PITPNC1: variants seen among roughly 807,000 people sequenced by gnomAD.
PITPNC1 encodes phosphatidylinositol transfer protein cytoplasmic 1.
In PITPNC1, 18 loss-of-function variants were observed where a neutral mutation model predicts 44.7. The ratio of observed to expected loss-of-function variants is 0.40; its 90% confidence interval spans 0.28 to 0.60. The LOEUF is 0.60. Among genes scored for constraint, PITPNC1 ranks in the 20% least tolerant of loss-of-function variants. The pLI is 0.39. For synonymous variants in PITPNC1, 141 were observed against 149.6 expected (o/e 0.94, Z 0.42); for missense variants, 290 against 418.4 (o/e 0.69, Z 2.68).
At chr17:67,492,573 T>C (rs1425487356) in intron 1 of PITPNC1, among the ~76,000 whole-genome samples, 2 of 152,134 alleles carry the variant, frequency 1.3e-5, no homozygotes, top group Admixed American at 1.3e-4. Context: ...ACCAAGTTTG[T>C]GGTGATTTGA....
At chr17:67,677,718 AC>A (rs1237252063) in intron 8 of PITPNC1, among the ~76,000 whole-genome samples, 1 of 151,696 alleles carries the variant, frequency 6.6e-6, no homozygotes, top group East Asian at 1.9e-4. Flanking sequence ...ACAGGCTCCC[AC>A]CACCACGCCC....
intron 1 of PITPNC1, among the ~76,000 whole-genome samples, chr17:67,493,806 A>C (rs1368582): frequency 0.13 from 19,530 of 152,236 alleles, 1,522 homozygotes; most frequent in African/African-American, 0.23. Context: ...TTCCCAATAC[A>C]AAAGCAATTT....
rs2039027127 is a variant in PITPNC1 at position 67,442,324 on chromosome 17, T to G, written c.48+64122T>G. Among the ~76,000 whole-genome samples, 6 of 147,542 alleles carry G rather than the reference T, an allele frequency of 4.1e-5. No homozygotes were observed. The South Asian group carries it at 1.3e-3, about 32-fold the overall frequency. ...CTCTACAATGAAAAAAAAAGTTGAC[T>G]ATGAGTAAAGTCTCATGTTGTCCAA... On this transcript the variant is annotated intron_variant, in intron 1 of 8. Transcript: ENST00000581322.
At chr17:67,382,462 G>A (rs1261480079) in intron 1 of PITPNC1, among the ~76,000 whole-genome samples, 2 of 151,826 alleles carry the variant, frequency 1.3e-5, no homozygotes, top group Non-Finnish European at 2.9e-5. Flanking sequence ...ATAGTCCCTC[G>A]TTTGTGTTAA....
chr17:67,552,543 G>A (rs1262849020), intron 3 of PITPNC1, among the ~76,000 whole-genome samples, 198 bp downstream of exon 3: 1 of 151,996 alleles, frequency 6.6e-6, no homozygotes, highest in Non-Finnish European at 1.5e-5. Flanking sequence ...TGACAGGGGG[G>A]TTAAGCTAAG....
intron 1 of PITPNC1, among the ~76,000 whole-genome samples, chr17:67,505,132 G>T (rs1375659254): frequency 2.0e-5 from 3 of 152,078 alleles, no homozygotes; most frequent in Admixed American, 6.6e-5. Flanking sequence ...TTGTTTTATG[G>T]TCTAGTATAC....
At chr17:67,391,350 TAC>T (rs146777108) in intron 1 of PITPNC1, among the ~76,000 whole-genome samples, 3 of 151,848 alleles carry the variant, frequency 2.0e-5, no homozygotes, top group Non-Finnish European at 4.4e-5. Flanking sequence ...CATGTCATCT[TAC>T]ACACACACAC....
intron 1 of PITPNC1, among the ~76,000 whole-genome samples, chr17:67,397,636 GT>G (rs2038239391): frequency 6.6e-6 from 1 of 152,108 alleles, no homozygotes; most frequent in Non-Finnish European, 1.5e-5. Flanking sequence ...ATGGGCTGGG[GT>G]AAAACCTGCT....
chr17:67,654,611 G>A (rs548593076), intron 6 of PITPNC1, among the ~76,000 whole-genome samples: 2 of 152,198 alleles, frequency 1.3e-5, no homozygotes, highest in South Asian at 4.2e-4. Flanking sequence ...TCCAATTTAA[G>A]TCTTGCAACA....
At chr17:67,659,874 TTTTTTTG>T (rs1011515132) in intron 6 of PITPNC1, among the ~76,000 whole-genome samples, 1 of 152,090 alleles carries the variant, frequency 6.6e-6, no homozygotes, top group African/African-American at 2.4e-5. Flanking sequence ...GCCATAAATC[TTTTTTTG>T]TTTTTTGTTT....
chr17:67,581,179 A>G lies in PITPNC1; in HGVS notation c.366+2922A>G, dbSNP rs115844320. On this transcript the variant is annotated intron_variant, in intron 5 of 8. Transcript: ENST00000581322. ...ATTCATATGGTTATTGTGTATTATT[A>G]TACATCCTTTTTTGGCAGGTGCTCA... Among the ~76,000 whole-genome samples the G allele has an allele frequency of 9.1e-3, 1,391 of 152,346 alleles. 30 individuals are homozygous for G. The highest frequency in any genetic ancestry group is 0.032 in the African/African-American group (1,336 of 41,580).
At chr17:67,682,958 G>A (rs1040675050) in intron 8 of PITPNC1, among the ~76,000 whole-genome samples, 2 of 151,892 alleles carry the variant, frequency 1.3e-5, no homozygotes, top group Non-Finnish European at 1.5e-5. Flanking sequence ...TCAGGAGTTC[G>A]CGACCAGCCT....
intron 1 of PITPNC1, among the ~76,000 whole-genome samples, chr17:67,453,049 T>TTA (rs920210666): frequency 6.6e-6 from 1 of 152,184 alleles, no homozygotes; most frequent in Non-Finnish European, 1.5e-5. Context: ...TGTTGTGCTG[T>TTA]TATATATATA....
At chr17:67,570,557 A>T (rs1180153856) in intron 4 of PITPNC1, among the ~76,000 whole-genome samples, 1 of 152,184 alleles carries the variant, frequency 6.6e-6, no homozygotes, top group African/African-American at 2.4e-5. Context: ...GGTACAATGG[A>T]GTGGACCAAC....
At chr17:67,690,894 G>A (rs577886137) in intron 8 of PITPNC1, among the ~76,000 whole-genome samples, 168 of 152,190 alleles carry the variant, frequency 1.1e-3, no homozygotes, top group African/African-American at 3.9e-3. Context: ...CACGAGGTTA[G>A]GAGTTCGAGA....
At chr17:67,519,525 CTT>C (rs1353527710) in intron 1 of PITPNC1, among the ~76,000 whole-genome samples, 2 of 152,144 alleles carry the variant, frequency 1.3e-5, no homozygotes, top group African/African-American at 4.8e-5. Context: ...ATATACCAAA[CTT>C]ACTGTTTTCC....
At chr17:67,425,189 GCGCGCACGCACACGCACACACA>G (rs2038733087) in intron 1 of PITPNC1, among the ~76,000 whole-genome samples, 1 of 41,612 alleles carries the variant, frequency 2.4e-5, no homozygotes, top group Non-Finnish European at 4.3e-5. Context: ...CATGTTGTGC[GCGCGCACGCACACGCACACACA>G]CACACACACA....
At chr17:67,542,469 T>A (rs2040621948) in intron 2 of PITPNC1, among the ~76,000 whole-genome samples, 1 of 152,212 alleles carries the variant, frequency 6.6e-6, no homozygotes, top group Non-Finnish European at 1.5e-5. Flanking sequence ...AGAGTCATAA[T>A]TCATTAAACG....
Position 67,495,040 on chromosome 17 carries a change from G to GTTTTTTTTT in PITPNC1, c.49-37759_49-37751dup, listed in dbSNP as rs879366971. On this transcript the variant is annotated intron_variant, in intron 1 of 8. Coordinates refer to ENST00000581322, the MANE Select transcript of PITPNC1 (RefSeq NM_012417.4). The stretch of plus-strand genomic sequence containing the variant: ...TTTGGCAATATTGAGCCATGGAGTT[G>GTTTTTTTTT]TTTTTTTTTTTGTTTTTTTTTTTTT... Among the ~76,000 whole-genome samples the GTTTTTTTTT allele has an allele frequency of 8.9e-3, 577 of 64,708 alleles. 118 individuals carry two copies. The highest frequency in any genetic ancestry group is 9.9e-3 in the Non-Finnish European group (366 of 37,124). The allele number at this position is 64,708 out of a possible 152,430, so 42.5% of individuals were successfully genotyped here.
Sources: allele counts gnomAD v4.1 joint callset (sites outside exome capture counted in the v4.1 genomes callset), GRCh38; gene constraint gnomAD v4.1.1; transcripts MANE v1.5; gene names NCBI Gene and HGNC (gene_info 2026-07-23, HGNC 2026-07-21).